The following DOCK9 variants were observed in gnomAD, a reference collection of about 807,000 sequenced individuals.
DOCK9 encodes the protein dedicator of cytokinesis protein 9.
DOCK9 carries 89 observed loss-of-function variants against 263.3 expected under a neutral mutation model. The ratio of observed to expected loss-of-function variants is 0.34; its 90% CI spans 0.28 to 0.40. The LOEUF is 0.40. DOCK9 is among the 10% of genes least tolerant of loss of function. The pLI, the probability that DOCK9 is intolerant of heterozygous loss-of-function variation, is 1.00. For missense variants in DOCK9, 2,140 were observed against 2,603.4 expected, an observed-to-expected ratio of 0.82 and a Z score of 3.87; for synonymous variants, 976 against 973.1, an observed-to-expected ratio of 1.00 and a Z score of -0.06.
chr13:99,000,093 A>T (rs1017650883), intron 1 of DOCK9, among the ~76,000 whole-genome samples: 2 of 152,204 alleles, frequency 1.3e-5, no homozygotes, highest in African/African-American at 4.8e-5. Flanking sequence ...TGACCCCCTA[A>T]ATCAGTTTGG....
In DOCK9 at chr13:99,030,784, T is replaced by C. The variant is rs193107402; in HGVS notation, c.129+55439A>G. ...AATTGTGCTTGACTTTGAAAACGAATGTGACTTTGAACTCAGGTATCATTA... is the reference window on the plus strand; with the variant it reads ...AATTGTGCTTGACTTTGAAAACGAACGTGACTTTGAACTCAGGTATCATTA... On this transcript the variant is annotated intron_variant, in intron 1 of 32. Transcript: ENST00000427887. 5.0e-4 allele frequency among the ~76,000 whole-genome samples: 76 copies of C among 152,338 alleles called. 1 individual carries two copies. Among genetic ancestry groups the C allele is most frequent in the African/African-American group, 1.7e-3 (72 of 41,578 alleles).
upstream of DOCK9, among the ~76,000 whole-genome samples, chr13:98,980,049 A>G (rs547996191): frequency 6.6e-6 from 1 of 152,350 alleles, no homozygotes; most frequent in South Asian, 2.1e-4. Flanking sequence ...TGTTTGAGAC[A>G]GGGTCTTGCT....
At chr13:98,803,138 G>T (rs369002721) in intron 49 of DOCK9, among the ~76,000 whole-genome samples, 3 of 152,152 alleles carry the variant, frequency 2.0e-5, no homozygotes, top group African/African-American at 7.2e-5. Context: ...AGCTGTGGAC[G>T]GCAATCCCCA....
intron 50 of DOCK9, 99 bp from the exon 51 acceptor site, chr13:98,797,588 G>C: frequency 9.9e-7 from 1 of 1,012,834 alleles, no homozygotes. Context: ...CCGTTCGCGT[G>C]AGCTACTCAC....
chr13:98,903,062 C>T lies in DOCK9; in HGVS notation c.1086G>A (p.Lys362=). Reference sequence around the variant, plus strand: ...ACTTGACAAGGATCCTTTTTCCAAACTTCTCTTCAAATGACTTCACTTCTG... The same window carrying T: ...ACTTGACAAGGATCCTTTTTCCAAATTTCTCTTCAAATGACTTCACTTCTG... ...AEPEVKSFEE[K]FGKRILVKCN... The change falls in exon 11 of 53, where the codon AAG becomes AAA. Residue 362 remains lysine (K), a synonymous_variant. Coordinates refer to ENST00000682017, the MANE Select transcript of DOCK9 (RefSeq NM_001366683.2). 6.5e-7 allele frequency: 1 copy of T among 1,535,118 alleles called. No individual in the cohort carries two copies. The highest frequency in any genetic ancestry group is 8.8e-7 in the Non-Finnish European group (1 of 1,140,838).
Position 98,880,680 on chromosome 13 carries a change from G to A in DOCK9, c.2746-8C>T. 1 of 1,612,452 alleles carries A rather than the reference G, an allele frequency of 6.2e-7. No homozygotes were observed. The highest frequency in any genetic ancestry group is 8.5e-7 in the Non-Finnish European group (1 of 1,179,212). Reference sequence around the variant, plus strand: ...CTCAGCCTTATACGCGTACTTTGAAGAAAAGAGAAAGAGACTTTAATGCAC... The same window carrying A: ...CTCAGCCTTATACGCGTACTTTGAAAAAAAGAGAAAGAGACTTTAATGCAC... On this transcript the variant is annotated splice_region_variant and splice_polypyrimidine_tract_variant and intron_variant, in intron 25 of 52. Transcript: ENST00000682017.
intron 10 of DOCK9, 118 bp downstream of exon 10, chr13:98,904,514 A>T (rs1046338696): frequency 8.2e-6 from 6 of 728,406 alleles, no homozygotes; most frequent in Non-Finnish European, 1.3e-5. Context: ...CAAATTTTCT[A>T]TAGTTATTTT....
At chr13:98,882,502 A>G (rs968301576) in intron 23 of DOCK9, among the ~76,000 whole-genome samples, 3 of 152,002 alleles carry the variant, frequency 2.0e-5, no homozygotes, top group Non-Finnish European at 4.4e-5. Context: ...CCTTTTAGCT[A>G]TTTCCCCTTT....
intron 11 of DOCK9, 150 bp from the exon 12 acceptor site, chr13:98,902,641 C>T: frequency 1.3e-6 from 1 of 755,858 alleles, no homozygotes; most frequent in South Asian, 1.9e-5. Context: ...AGAGAATTAG[C>T]TTATAAAACA....
chr13:98,937,665 T>C (rs1461044106), intron 2 of DOCK9, among the ~76,000 whole-genome samples: 17 of 151,092 alleles, frequency 1.1e-4, no homozygotes, highest in African/African-American at 4.1e-4. Context: ...GATGCACAGA[T>C]ACCTGAGAGC....
chr13:99,084,051 G>A (rs886938253), intron 1 of DOCK9, among the ~76,000 whole-genome samples: 4 of 152,178 alleles, frequency 2.6e-5, no homozygotes, highest in East Asian at 1.9e-4. Context: ...TGAACCTGGC[G>A]TGGTTGCTGC....
At chr13:98,926,291 G>A (rs1360798077) in intron 3 of DOCK9, among the ~76,000 whole-genome samples, 3 of 152,204 alleles carry the variant, frequency 2.0e-5, no homozygotes, top group Non-Finnish European at 2.9e-5. Flanking sequence ...AATAGGATGC[G>A]TGAACTTAAA....
At chr13:99,026,593 G>A (rs1886755742) in intron 1 of DOCK9, among the ~76,000 whole-genome samples, 1 of 152,196 alleles carries the variant, frequency 6.6e-6, no homozygotes, top group Non-Finnish European at 1.5e-5. Flanking sequence ...TGTTAGGGAG[G>A]TCTGGACCTG....
At chr13:98,936,346 G>A (rs927705) in intron 2 of DOCK9, among the ~76,000 whole-genome samples, 114,142 of 152,104 alleles carry the variant, frequency 0.75, 43,210 homozygotes, top group Middle Eastern at 0.9. Flanking sequence ...TAAATACTCG[G>A]TAAATGTTTC....
Position 98,902,296 on chromosome 13 carries a change from G to C in DOCK9, c.1372C>G (p.Pro458Ala), listed in dbSNP as rs777316590. ...GILHEAAMQY[P>A]KQGIFSVTCP... Reference sequence around the variant, plus strand: ...GGGCTCATACTCCCCACCTGCTTCGGATACTGCATGGCGGCTTCATGAAGG... The same window carrying C: ...GGGCTCATACTCCCCACCTGCTTCGCATACTGCATGGCGGCTTCATGAAGG... Residue 458 changes from proline (P) to alanine (A), a missense_variant, in exon 12 of 53, where the codon CCG becomes GCG. Physicochemically the swap from Pro to Ala is conservative, Grantham distance 27. Around this residue, in one of 2 missense-constraint regions of DOCK9, gnomAD observed 1,521 missense variants for 1,741.7 expected, o/e 0.87. Coordinates refer to ENST00000682017, the MANE Select transcript of DOCK9 (RefSeq NM_001366683.2). 3.1e-6 allele frequency: 5 copies of C among 1,613,702 alleles called. No homozygotes were observed. The South Asian group carries it at 5.5e-5, about 18-fold the overall frequency.
chr13:98,794,752 G>A lies in DOCK9; in HGVS notation c.6157-4C>T, dbSNP rs753442874. The A allele has an allele frequency of 1.2e-5, 20 of 1,613,666 alleles. No individual in the cohort carries two copies. Among genetic ancestry groups the A allele is most frequent in the South Asian group, 3.3e-5 (3 of 91,030 alleles). On this transcript the variant is annotated splice_polypyrimidine_tract_variant and splice_region_variant and intron_variant, in intron 52 of 52. Coordinates refer to ENST00000682017, the MANE Select transcript of DOCK9 (RefSeq NM_001366683.2). ...TCTTCTCCTCCAGGGGGCAGATCTT[G>A]AGGACAGAAACACAACGTTACTGAG...
At chr13:99,038,288 CTTTTTTTT>C (rs71419743) in intron 1 of DOCK9, among the ~76,000 whole-genome samples, 1,497 of 86,296 alleles carry the variant, frequency 0.017, 119 homozygotes, top group South Asian at 0.057. Flanking sequence ...TTATGCCCCC[CTTTTTTTT>C]TTTTTTTTTT....
chr13:99,070,480 C>T (rs1261663993), intron 1 of DOCK9, among the ~76,000 whole-genome samples: 1 of 152,076 alleles, frequency 6.6e-6, no homozygotes, highest in Non-Finnish European at 1.5e-5. Context: ...TTGTAATTTT[C>T]CTGTGTTATA....
chr13:98,988,894 C>A (rs901196115), intron 1 of DOCK9, among the ~76,000 whole-genome samples: 2 of 152,220 alleles, frequency 1.3e-5, no homozygotes, highest in African/African-American at 4.8e-5. Context: ...GGGAAGGAAT[C>A]TGGAGATCTC....
Sources: allele counts gnomAD v4.1 joint callset (sites outside exome capture counted in the v4.1 genomes callset), GRCh38; gene constraint gnomAD v4.1.1; regional missense constraint gnomAD v4.1.1; transcripts MANE v1.5; gene names NCBI Gene and HGNC (gene_info 2026-07-23, HGNC 2026-07-21).